Variants in GMDS observed in about 807,000 individuals in gnomAD.
The protein encoded by GMDS is GDP-mannose 4,6-dehydratase.
GMDS carries 20 observed loss-of-function variants against 49.9 expected under a neutral mutation model. The observed-to-expected ratio is 0.40, with a 90% CI of 0.28 to 0.58. GMDS has a LOEUF of 0.58. Among genes scored for constraint, GMDS ranks in the 20% least tolerant of loss-of-function variants. GMDS has a pLI of 0.42. For missense variants in GMDS, 362 were observed against 481.4 expected, an observed-to-expected ratio of 0.75 and a Z score of 2.32; for synonymous variants, 177 against 178.6, an observed-to-expected ratio of 0.99 and a Z score of 0.07.
intron 9 of GMDS, among the ~76,000 whole-genome samples, chr6:1,709,769 A>T (rs760305451): frequency 1.7e-4 from 26 of 152,232 alleles, no homozygotes; most frequent in Non-Finnish European, 3.7e-4. Flanking sequence ...TAATGCTGTA[A>T]CTAGGATTTA....
chr6:1,784,390 C>CAAAAAAAAAAA (rs780517217), intron 7 of GMDS, among the ~76,000 whole-genome samples: 2 of 40,494 alleles, frequency 4.9e-5, no homozygotes, highest in African/African-American at 1.8e-4. Context: ...AGACTCGTCT[C>CAAAAAAAAAAA]AAAAAAAAAA....
chr6:2,121,568 T>A (rs555420274), intron 2 of GMDS, among the ~76,000 whole-genome samples: 1 of 152,268 alleles, frequency 6.6e-6, no homozygotes, highest in African/African-American at 2.4e-5. Flanking sequence ...CCACATTTGA[T>A]GGCAAGGCCC....
chr6:2,212,495 T>C (rs1780109551), intron 1 of GMDS, among the ~76,000 whole-genome samples: 2 of 152,272 alleles, frequency 1.3e-5, no homozygotes, highest in Admixed American at 1.3e-4. Flanking sequence ...ATAATACAAG[T>C]TATAGGATAT....
At chr6:1,663,726 C>T (rs969991774) in intron 9 of GMDS, among the ~76,000 whole-genome samples, 45 of 152,278 alleles carry the variant, frequency 3.0e-4, no homozygotes, top group African/African-American at 6.5e-4. Context: ...AGGAGTCCCC[C>T]GGTGACTGGT....
chr6:2,005,119 A>T (rs899217081), intron 4 of GMDS, among the ~76,000 whole-genome samples: 4 of 152,186 alleles, frequency 2.6e-5, no homozygotes, highest in African/African-American at 9.6e-5. Flanking sequence ...TCTTGTTTGC[A>T]CTATTAGTTT....
intron 4 of GMDS, among the ~76,000 whole-genome samples, chr6:2,070,164 A>C (rs2127458001): frequency 6.6e-6 from 1 of 151,206 alleles, no homozygotes; most frequent in East Asian, 2.0e-4. Context: ...AAACTATCGC[A>C]AGAACAAAAA....
At chr6:2,101,391 G>T (rs1410672975) in intron 4 of GMDS, among the ~76,000 whole-genome samples, 1 of 150,564 alleles carries the variant, frequency 6.6e-6, no homozygotes, top group Non-Finnish European at 1.5e-5. Flanking sequence ...CAAGAAAAAG[G>T]GACAAACTAA....
At chr6:1,756,750 C>T (rs753314855) in intron 7 of GMDS, among the ~76,000 whole-genome samples, 9 of 152,236 alleles carry the variant, frequency 5.9e-5, no homozygotes, top group Admixed American at 3.9e-4. Context: ...TTCTCCTCCA[C>T]GTGGCCATTC....
chr6:2,152,228 G>C lies in GMDS; in HGVS notation c.103-27497C>G, dbSNP rs145233314. ...TAAACTCAAGACTACCTTTCTGAAA[G>C]GCTCTTTAAAATCAAATTGAATTCA... On this transcript the variant is annotated intron_variant, in intron 1 of 10. Coordinates refer to ENST00000380815, the MANE Select transcript of GMDS (RefSeq NM_001500.4). Among the ~76,000 whole-genome samples, 866 of 152,168 alleles carry C rather than the reference G, an allele frequency of 5.7e-3. 2 individuals carry two copies. Among genetic ancestry groups the C allele is most frequent in the Middle Eastern group, 0.017 (5 of 292 alleles).
At chr6:2,169,621 CAA>C (rs556634869) in intron 1 of GMDS, among the ~76,000 whole-genome samples, 24 of 73,630 alleles carry the variant, frequency 3.3e-4, no homozygotes, top group Non-Finnish European at 5.0e-4. Context: ...CACCAGGCAG[CAA>C]AAAAAAAAAA....
intron 4 of GMDS, among the ~76,000 whole-genome samples, chr6:2,074,742 A>G (rs1389897131): frequency 3.3e-5 from 5 of 152,232 alleles, no homozygotes; most frequent in Admixed American, 2.6e-4. Context: ...GGCCTCAAGA[A>G]ATTCTCCTGA....
At chr6:2,061,710 C>T (rs1443717138) in intron 4 of GMDS, among the ~76,000 whole-genome samples, 3 of 113,396 alleles carry the variant, frequency 2.6e-5, no homozygotes, top group African/African-American at 1.0e-4. Context: ...CAGTGCAAGA[C>T]TCTGTCTCAA....
At chr6:1,923,912 T>C (rs1348358724) in intron 7 of GMDS, among the ~76,000 whole-genome samples, 1 of 152,206 alleles carries the variant, frequency 6.6e-6, no homozygotes, top group African/African-American at 2.4e-5. Context: ...CTGTAACCTA[T>C]GTACCCTTCC....
intron 7 of GMDS, among the ~76,000 whole-genome samples, chr6:1,876,862 T>C (rs1306447217): frequency 6.6e-6 from 1 of 152,202 alleles, no homozygotes; most frequent in Admixed American, 6.5e-5. Context: ...CTGATCATCT[T>C]TACCCCTTCC....
intron 4 of GMDS, among the ~76,000 whole-genome samples, chr6:2,088,844 G>A (rs1291079301): frequency 6.6e-6 from 1 of 152,120 alleles, no homozygotes; most frequent in Non-Finnish European, 1.5e-5. Context: ...GAGAAACTGA[G>A]AGCACAAAGG....
chr6:1,904,650 CG>C (rs1385015979), intron 7 of GMDS, among the ~76,000 whole-genome samples: 1 of 152,216 alleles, frequency 6.6e-6, no homozygotes, highest in Non-Finnish European at 1.5e-5. Flanking sequence ...AACAGTGACT[CG>C]CCGGCTCCCA....
rs565883556 is a variant in GMDS at position 2,188,946 on chromosome 6, T to C, written c.102+56375A>G. 6.8e-4 allele frequency among the ~76,000 whole-genome samples: 103 copies of C among 152,184 alleles called. 2 individuals carry two copies. In the South Asian group the frequency reaches 0.02, roughly 29 times the overall value. Reference sequence around the variant, plus strand: ...CACTATGGCCAAAGCTTGCCATACATAGAAGAGAGAGAACTGGGGTGACCG... The same window carrying C: ...CACTATGGCCAAAGCTTGCCATACACAGAAGAGAGAGAACTGGGGTGACCG... On this transcript the variant is annotated intron_variant, in intron 1 of 10. Transcript: ENST00000380815.
intron 7 of GMDS, among the ~76,000 whole-genome samples, chr6:1,920,127 G>C (rs1761643474): frequency 6.6e-6 from 1 of 152,210 alleles, no homozygotes. Flanking sequence ...AATAAAATGT[G>C]TTTCTTTGCT....
chr6:1,697,849 C>T (rs1281910459), intron 9 of GMDS, among the ~76,000 whole-genome samples: 2 of 152,220 alleles, frequency 1.3e-5, no homozygotes, highest in African/African-American at 2.4e-5. Context: ...GTCATGATCC[C>T]TCCATTTTGG....
Sources: gnomAD v4.1 joint callset for allele counts (sites outside exome capture counted in the v4.1 genomes callset) on GRCh38, gnomAD v4.1.1 for gene constraint, MANE v1.5 for transcripts, NCBI Gene and HGNC (gene_info 2026-07-23, HGNC 2026-07-21) for gene names.